TBCA: variants seen among roughly 807,000 people sequenced by gnomAD.
The protein encoded by TBCA is tubulin-specific chaperone A.
A neutral mutation model predicts 15.8 loss-of-function variants in TBCA; 6 were observed. That is an observed-to-expected ratio of 0.38 (90% CI 0.21 to 0.75). The LOEUF is 0.75. TBCA is among the 30% of genes least tolerant of loss of function. TBCA has a pLI of 0.46. For missense variants in TBCA, 90 were observed against 131.2 expected, an observed-to-expected ratio of 0.69 and a Z score of 1.53; for synonymous variants, 32 against 42.3, an observed-to-expected ratio of 0.76 and a Z score of 0.94.
intron 1 of TBCA, among the ~76,000 whole-genome samples, chr5:77,741,143 GA>G (rs1202659613): frequency 6.6e-6 from 1 of 152,120 alleles, no homozygotes; most frequent in African/African-American, 2.4e-5. Context: ...ACTAAGAAAA[GA>G]AATCAGACTA....
chr5:77,765,023 C>T (rs1747738090), intron 1 of TBCA, among the ~76,000 whole-genome samples: 2 of 151,140 alleles, frequency 1.3e-5, no homozygotes, highest in Admixed American at 6.6e-5. Flanking sequence ...TTAAAAATAA[C>T]AAAATCAATG....
chr5:77,763,101 G>A (rs887752401), intron 1 of TBCA, among the ~76,000 whole-genome samples: 5 of 152,020 alleles, frequency 3.3e-5, no homozygotes, highest in African/African-American at 9.7e-5. Flanking sequence ...AAAATTAGCC[G>A]GGCGTGATGG....
chr5:77,766,994 T>C (rs1342875276), intron 1 of TBCA, among the ~76,000 whole-genome samples: 2 of 152,342 alleles, frequency 1.3e-5, no homozygotes, highest in South Asian at 2.1e-4. Flanking sequence ...CGTGAAGAAC[T>C]GTTTGGCCTT....
At chr5:77,766,512 A>AT (rs1180091515) in intron 1 of TBCA, among the ~76,000 whole-genome samples, 3,510 of 58,268 alleles carry the variant, frequency 0.06, 1,217 homozygotes, top group African/African-American at 0.13. Context: ...TTATTTATTT[A>AT]TTTTTTTTTT....
At chr5:77,692,886 C>T (rs1478986416) in intron 3 of TBCA, 4 of 1,167,780 alleles carry the variant, frequency 3.4e-6, no homozygotes, top group Non-Finnish European at 3.2e-6. Flanking sequence ...TTAATAAGAT[C>T]CCAAATTCTT....
intron 1 of TBCA, among the ~76,000 whole-genome samples, chr5:77,760,923 C>T (rs390629): frequency 0.44 from 65,586 of 149,188 alleles, 14,608 homozygotes; most frequent in East Asian, 0.53. Flanking sequence ...GGCCACCCAT[C>T]GTCTGGGAAG....
intron 1 of TBCA, among the ~76,000 whole-genome samples, chr5:77,717,787 G>A (rs1317694789): frequency 1.3e-5 from 2 of 149,922 alleles, no homozygotes; most frequent in African/African-American, 2.5e-5. Flanking sequence ...AGCTGAGATC[G>A]TGCCATTACA....
chr5:77,762,036 C>T (rs896949679), intron 1 of TBCA, among the ~76,000 whole-genome samples: 1 of 152,182 alleles, frequency 6.6e-6, no homozygotes, highest in Admixed American at 6.5e-5. Context: ...GTCTAATAGG[C>T]CCCCACCAAA....
At chr5:77,750,429 T>C (rs1561280058) in intron 1 of TBCA, among the ~76,000 whole-genome samples, 1 of 152,252 alleles carries the variant, frequency 6.6e-6, no homozygotes, top group South Asian at 2.1e-4. Flanking sequence ...ACGAAGTTTA[T>C]ACTAGTGGAG....
intron 2 of TBCA, among the ~76,000 whole-genome samples, chr5:77,704,578 A>C (rs1214700253): frequency 6.6e-6 from 1 of 152,332 alleles, no homozygotes; most frequent in African/African-American, 2.4e-5. Flanking sequence ...TTTTCTATGA[A>C]AGGCACAATA....
intron 3 of TBCA, 128 bp downstream of exon 3, chr5:77,693,138 C>A: frequency 3.3e-6 from 5 of 1,513,486 alleles, no homozygotes; most frequent in Admixed American, 2.3e-5. Context: ...TAAAATATAG[C>A]GGTATAAAGG....
chr5:77,737,251 C>A (rs1411308542), intron 1 of TBCA, among the ~76,000 whole-genome samples: 1 of 152,182 alleles, frequency 6.6e-6, no homozygotes, highest in African/African-American at 2.4e-5. Context: ...AAATTATGAA[C>A]CAAAGCTTTT....
chr5:77,753,883 T>G (rs461760), intron 1 of TBCA, among the ~76,000 whole-genome samples: 1 of 151,918 alleles, frequency 6.6e-6, no homozygotes, highest in Non-Finnish European at 1.5e-5. Context: ...TTCAGCCTCA[T>G]GAGTAGCTGG....
chr5:77,691,576 C>A (rs989114203), intron 3 of TBCA, 78 bp from the exon 4 acceptor site: 4 of 1,451,330 alleles, frequency 2.8e-6, no homozygotes, highest in Admixed American at 3.1e-5. Context: ...ATATTACAAA[C>A]CATTAATGTT....
chr5:77,775,913 CCCA>C (rs1226643818), intron 1 of TBCA, among the ~76,000 whole-genome samples: 8 of 152,142 alleles, frequency 5.3e-5, no homozygotes, highest in African/African-American at 1.7e-4. Context: ...CAGGCCGCGG[CCCA>C]CCACCTTCCC....
At chr5:77,761,259 G>A (rs915710282) in intron 1 of TBCA, among the ~76,000 whole-genome samples, 1 of 152,050 alleles carries the variant, frequency 6.6e-6, no homozygotes, top group Admixed American at 6.5e-5. Flanking sequence ...GAAAGAAGTA[G>A]ACATAGGAGA....
intron 1 of TBCA, among the ~76,000 whole-genome samples, chr5:77,731,362 T>C (rs1258854121): frequency 6.6e-6 from 1 of 152,226 alleles, no homozygotes; most frequent in Non-Finnish European, 1.5e-5. Context: ...CTTAACCTCA[T>C]GGTGCCTCAG....
At chr5:77,720,777 A>C (rs562040233) in intron 1 of TBCA, among the ~76,000 whole-genome samples, 2 of 152,296 alleles carry the variant, frequency 1.3e-5, no homozygotes, top group Non-Finnish European at 2.9e-5. Flanking sequence ...TGGAGAACCT[A>C]AAACATGGTA....
At chr5:77,773,910 G>T (rs1747964785) in intron 1 of TBCA, among the ~76,000 whole-genome samples, 1 of 152,098 alleles carries the variant, frequency 6.6e-6, no homozygotes, top group Non-Finnish European at 1.5e-5. Context: ...CTCTTCTTGG[G>T]TCTGAACAAT....
Sources: allele counts gnomAD v4.1 joint callset (sites outside exome capture counted in the v4.1 genomes callset), GRCh38; gene constraint gnomAD v4.1.1; transcripts MANE v1.5; gene names NCBI Gene and HGNC (gene_info 2026-07-23, HGNC 2026-07-21).